Variants in WNK1 observed in about 807,000 individuals in gnomAD.
The protein encoded by WNK1 is WNK lysine deficient protein kinase 1.
A neutral mutation model predicts 222.8 loss-of-function variants in WNK1; 38 were observed. The observed-to-expected ratio is 0.17, with a 90% confidence interval of 0.13 to 0.22. WNK1 has a LOEUF of 0.22. Among genes scored for constraint, WNK1 ranks in the 10% least tolerant of loss-of-function variants. The pLI, the probability that WNK1 is intolerant of heterozygous loss-of-function variation, is 1.00. For synonymous variants in WNK1, 1,090 were observed against 1,092.9 expected (o/e 1.00, Z 0.05); for missense variants, 2,348 against 2,918.4 (o/e 0.80, Z 4.50).
chr12:881,622 G>A, intron 12 of WNK1, 70 bp from the exon 13 acceptor site: 16 of 1,280,838 alleles, frequency 1.2e-5, no homozygotes, highest in East Asian at 2.3e-5. Context: ...AAAAAAATAA[G>A]TAGATTATTG....
At chr12:809,949 C>T (rs988366615) in intron 1 of WNK1, among the ~76,000 whole-genome samples, 3 of 152,214 alleles carry the variant, frequency 2.0e-5, no homozygotes, top group Non-Finnish European at 2.9e-5. Flanking sequence ...CAATTAGTAT[C>T]ACTTTAAAAG....
intron 4 of WNK1, among the ~76,000 whole-genome samples, chr12:836,510 A>AT (rs1236153640): frequency 2.6e-5 from 4 of 152,206 alleles, no homozygotes; most frequent in African/African-American, 9.6e-5. Context: ...GCTACAAAAG[A>AT]TTGGGAGGAT....
At chr12:837,646 G>A (rs1439374563) in intron 4 of WNK1, among the ~76,000 whole-genome samples, 1 of 151,514 alleles carries the variant, frequency 6.6e-6, no homozygotes, top group Non-Finnish European at 1.5e-5. Context: ...CCAAGACTCA[G>A]CAGTTGTTAC....
rs1392383432 is a variant in WNK1, at chr12:885,039, T to C, written c.4235T>C (p.Val1412Ala). 1.2e-6 allele frequency: 2 copies of C among 1,614,064 alleles called. No homozygotes were observed. The highest frequency in any genetic ancestry group is 1.7e-5 in the Admixed American group (1 of 60,004). ...TCTGAATCACCAGTACTTTCCAGCG[T>C]AGTTTCAAGTATCACAATACCTGCA... The part of the protein sequence containing the change: ...PVSESPVLSS[V>A]VSSITIPAVV... Residue 1412 changes from valine (V) to alanine (A), a missense_variant, in exon 19 of 28, where the codon GTA becomes GCA. Val to Ala is a moderately conservative substitution (Grantham distance 64, BLOSUM62 0). Around this residue, in one of 13 missense-constraint regions of WNK1, gnomAD observed 1,144 missense variants for 1,273.6 expected, o/e 0.90. Transcript: ENST00000315939.
intron 10 of WNK1, among the ~76,000 whole-genome samples, chr12:879,364 C>T (rs569863626): frequency 9.3e-5 from 14 of 151,182 alleles, no homozygotes; most frequent in Non-Finnish European, 1.5e-4. Context: ...TATTTAGCCT[C>T]TTTCTCTCCT....
intron 25 of WNK1, among the ~76,000 whole-genome samples, chr12:898,791 G>A (rs1333926885): frequency 6.6e-6 from 1 of 151,990 alleles, no homozygotes; most frequent in Non-Finnish European, 1.5e-5. Context: ...CCAGGCTGGA[G>A]TGCAGTGGCA....
At position 885,306 on chromosome 12, in the gene WNK1, C is replaced by T; in HGVS notation, c.4502C>T (p.Thr1501Ile). Residue 1501 changes from threonine to isoleucine, a missense_variant, in exon 19 of 28, where the codon ACA becomes ATA. Physicochemically the swap from Thr to Ile is moderately conservative, Grantham distance 89. Around this residue, in one of 13 missense-constraint regions of WNK1, gnomAD observed 1,144 missense variants for 1,273.6 expected, o/e 0.90. Coordinates refer to ENST00000315939, the MANE Select transcript of WNK1 (RefSeq NM_018979.4). Reference sequence around the variant, plus strand: ...TCTACCACCACTTCATTCCCAAGCACAGCTTCACAGCTGTGCATTCAGCTT... The same window carrying T: ...TCTACCACCACTTCATTCCCAAGCATAGCTTCACAGCTGTGCATTCAGCTT... ...SVSTTTSFPS[T>I]ASQLCIQLSS... 1 of 1,614,204 alleles carries T rather than the reference C, an allele frequency of 6.2e-7. No individual in the cohort carries two copies. Among genetic ancestry groups the T allele is most frequent in the Non-Finnish European group, 8.5e-7 (1 of 1,180,040 alleles).
intron 2 of WNK1, among the ~76,000 whole-genome samples, chr12:819,479 G>T (rs1417738539): frequency 6.6e-6 from 1 of 152,098 alleles, no homozygotes; most frequent in African/African-American, 2.4e-5. Context: ...GTGTCATGTT[G>T]GTGCTCAAGT....
intron 4 of WNK1, among the ~76,000 whole-genome samples, chr12:836,861 C>T (rs971825789): frequency 7.2e-5 from 11 of 152,128 alleles, no homozygotes; most frequent in Non-Finnish European, 1.6e-4. Flanking sequence ...TGATTCTCTG[C>T]ATGGCATAAC....
chr12:868,307 G>A (rs1378113003), intron 8 of WNK1: 1 of 1,611,106 alleles, frequency 6.2e-7, no homozygotes, highest in East Asian at 2.2e-5. Context: ...CCAGGCCCGG[G>A]TGGCAGAACA....
intron 2 of WNK1, among the ~76,000 whole-genome samples, chr12:819,403 A>G (rs770561312): frequency 9.9e-5 from 15 of 152,274 alleles, no homozygotes; most frequent in Non-Finnish European, 2.2e-4. Flanking sequence ...GGAACTTTGA[A>G]TTATACTTAC....
At chr12:767,243 T>TG in intron 1 of WNK1, among the ~76,000 whole-genome samples, 1 of 20,184 alleles carries the variant, frequency 5.0e-5, no homozygotes, top group Admixed American at 5.3e-4. Flanking sequence ...GGTTTTTTTT[T>TG]TTTTTTTTTT....
chr12:826,588 T>C (rs1591881932), intron 2 of WNK1, among the ~76,000 whole-genome samples: 2 of 152,254 alleles, frequency 1.3e-5, no homozygotes, highest in Admixed American at 1.3e-4. Flanking sequence ...AATACATCTG[T>C]GTCTGATAGA....
chr12:850,410 G>A (rs1275259535), intron 4 of WNK1, among the ~76,000 whole-genome samples: 2 of 152,076 alleles, frequency 1.3e-5, no homozygotes, highest in African/African-American at 4.8e-5. Context: ...CTTTTTGATG[G>A]GGTTGTTTGA....
rs56048238 is a variant in WNK1 at position 893,823 on chromosome 12, A to AAATAATAAT, written c.5510-723_5510-715dup. Among the ~76,000 whole-genome samples the AAATAATAAT allele has an allele frequency of 4.7e-3, 678 of 143,788 alleles. 10 individuals are homozygous for AAATAATAAT. Among genetic ancestry groups the AAATAATAAT allele is most frequent in the South Asian group, 0.04 (178 of 4,422 alleles). The allele number at this position is 143,788 out of a possible 152,430, so 94.3% of individuals were successfully genotyped here. ...GGGCAACAGAGTGAGACTCCATCTC[A>AAATAATAAT]AATAATAATAATAATAATAATAATT... On this transcript the variant is annotated intron_variant, in intron 22 of 27. Transcript: ENST00000315939.
At chr12:904,485 C>G in intron 26 of WNK1, 1 of 1,289,118 alleles carries the variant, frequency 7.8e-7, no homozygotes, top group African/African-American at 1.5e-5. Flanking sequence ...TCCTTGCAAC[C>G]AGCTCTGTAG....
At chr12:792,799 T>C (rs575680326) in intron 1 of WNK1, among the ~76,000 whole-genome samples, 18 of 152,224 alleles carry the variant, frequency 1.2e-4, no homozygotes, top group African/African-American at 4.3e-4. Context: ...CTTCATGCTT[T>C]TACACAAATA....
intron 3 of WNK1, among the ~76,000 whole-genome samples, chr12:828,357 T>C (rs1373163376): frequency 6.6e-6 from 1 of 152,116 alleles, no homozygotes; most frequent in Admixed American, 6.5e-5. Flanking sequence ...TGAAAATAAA[T>C]ATGACAATTC....
intron 3 of WNK1, 50 bp from the exon 4 acceptor site, chr12:829,953 C>T (rs759698378): frequency 1.2e-6 from 2 of 1,606,454 alleles, no homozygotes; most frequent in South Asian, 2.2e-5. Flanking sequence ...CGGTGAGTAA[C>T]GTCTGAAGCT....
Sources: allele counts gnomAD v4.1 joint callset (sites outside exome capture counted in the v4.1 genomes callset), GRCh38; gene constraint gnomAD v4.1.1; regional missense constraint gnomAD v4.1.1; transcripts MANE v1.5; gene names NCBI Gene and HGNC (gene_info 2026-07-23, HGNC 2026-07-21).